The following GPC5 variants were observed in gnomAD, a reference collection of about 807,000 sequenced individuals.
GPC5 encodes glypican-5.
A neutral mutation model predicts 53.9 loss-of-function variants in GPC5; 47 were observed. The observed-to-expected ratio is 0.87, with a 90% CI of 0.69 to 1.11. GPC5 has a LOEUF of 1.11. Among genes scored for constraint, GPC5 ranks in the 50% most tolerant of loss-of-function variants. The pLI is 0.00. For synonymous variants in GPC5, 286 were observed against 263.3 expected (o/e 1.09, Z -0.84); for missense variants, 748 against 713.1 (o/e 1.05, Z -0.56).
chr13:92,416,303 A>T (rs767191168), intron 7 of GPC5, among the ~76,000 whole-genome samples: 2 of 152,150 alleles, frequency 1.3e-5, no homozygotes, highest in Non-Finnish European at 2.9e-5. Flanking sequence ...GAAAGAAGGG[A>T]TAGTTTAAGG....
chr13:92,453,937 TATA>T (rs1405402113), intron 7 of GPC5, among the ~76,000 whole-genome samples: 1 of 152,208 alleles, frequency 6.6e-6, no homozygotes, highest in Admixed American at 6.5e-5. Context: ...TCCATTGTCG[TATA>T]AATAGCACGC....
At chr13:91,865,886 A>T (rs1158149942) in intron 5 of GPC5, among the ~76,000 whole-genome samples, 1 of 151,382 alleles carries the variant, frequency 6.6e-6, no homozygotes, top group Non-Finnish European at 1.5e-5. Flanking sequence ...TTTTTTTTTG[A>T]GATTGAGTTT....
At position 92,793,161 on chromosome 13, in the gene GPC5, AG is replaced by A. The variant is rs543562578; in HGVS notation, c.1562-73120del. ...TAAAGCTCTCCTCAGCAAATGTAAA[AG>A]AACAGAAATCACAACAAACTGTCTC... On this transcript the variant is annotated intron_variant, in intron 7 of 7. Transcript: ENST00000377067. 6.6e-3 allele frequency among the ~76,000 whole-genome samples: 1,011 copies of A among 152,278 alleles called. 16 individuals are homozygous for A. The highest frequency in any genetic ancestry group is 0.023 in the African/African-American group (960 of 41,554).
intron 5 of GPC5, among the ~76,000 whole-genome samples, chr13:91,831,161 T>G (rs1412254260): frequency 6.7e-6 from 1 of 148,958 alleles, no homozygotes; most frequent in Non-Finnish European, 1.5e-5. Context: ...AATCATAAAG[T>G]CCCACAATAC....
chr13:92,402,692 A>C (rs554229094), intron 7 of GPC5, among the ~76,000 whole-genome samples: 1 of 152,284 alleles, frequency 6.6e-6, no homozygotes, highest in East Asian at 1.9e-4. Flanking sequence ...CTATTTGGTT[A>C]GGCTTGTGGC....
intron 6 of GPC5, among the ~76,000 whole-genome samples, chr13:91,919,637 A>C (rs772749302): frequency 3.3e-5 from 5 of 152,198 alleles, no homozygotes; most frequent in Admixed American, 6.5e-5. Context: ...ACATGGAAAT[A>C]TGCGAAAGAC....
At chr13:92,105,300 C>G (rs1009693002) in intron 6 of GPC5, among the ~76,000 whole-genome samples, 1 of 152,012 alleles carries the variant, frequency 6.6e-6, no homozygotes, top group South Asian at 2.1e-4. Context: ...TTTAAATGCT[C>G]TTGGTAAAGA....
rs539470859 is a variant in GPC5, at chr13:92,488,854, T to A, written c.1561+343865T>A. Among the ~76,000 whole-genome samples, 82 of 152,336 alleles carry A rather than the reference T, an allele frequency of 5.4e-4. 1 individual carries two copies. The South Asian group carries it at 0.017, about 31-fold the overall frequency. ...GGAAAACTGTTCATGTCTATGTGTATCAATGTGCTAACATAGCAATAGCAT... is the reference window on the plus strand; with the variant it reads ...GGAAAACTGTTCATGTCTATGTGTAACAATGTGCTAACATAGCAATAGCAT... On this transcript the variant is annotated intron_variant, in intron 7 of 7. Coordinates refer to ENST00000377067, the MANE Select transcript of GPC5 (RefSeq NM_004466.6).
intron 7 of GPC5, among the ~76,000 whole-genome samples, chr13:92,632,324 T>TAAC (rs113531928): frequency 0.026 from 3,926 of 152,114 alleles, 180 homozygotes; most frequent in African/African-American, 0.088. Context: ...GATTTTCTAA[T>TAAC]AGCATCTTCA....
chr13:91,527,611 C>A (rs1368281594), intron 2 of GPC5, among the ~76,000 whole-genome samples: 2 of 152,228 alleles, frequency 1.3e-5, no homozygotes, highest in Non-Finnish European at 2.9e-5. Flanking sequence ...CTCCACTAAG[C>A]AGTACCCCAT....
chr13:92,110,433 A>G (rs2138926318), intron 6 of GPC5, among the ~76,000 whole-genome samples: 1 of 152,100 alleles, frequency 6.6e-6, no homozygotes, highest in Non-Finnish European at 1.5e-5. Context: ...TCCATGAATT[A>G]TTCTATCATG....
At chr13:91,631,059 A>G (rs1190939948) in intron 2 of GPC5, among the ~76,000 whole-genome samples, 2 of 152,146 alleles carry the variant, frequency 1.3e-5, no homozygotes, top group Non-Finnish European at 2.9e-5. Flanking sequence ...GGACCTGTTT[A>G]TTGGAATCAC....
At chr13:91,487,481 GT>G (rs923676151) in intron 2 of GPC5, among the ~76,000 whole-genome samples, 37 of 152,112 alleles carry the variant, frequency 2.4e-4, no homozygotes, top group African/African-American at 8.9e-4. Flanking sequence ...GGGATAGAAG[GT>G]TTTCTCTTTG....
chr13:92,071,549 T>C (rs1480166908), intron 6 of GPC5, among the ~76,000 whole-genome samples: 1 of 152,062 alleles, frequency 6.6e-6, no homozygotes, highest in Non-Finnish European at 1.5e-5. Flanking sequence ...AGTAAACTTT[T>C]CTTATCCCTC....
intron 6 of GPC5, among the ~76,000 whole-genome samples, chr13:92,082,582 C>T (rs1468551174): frequency 1.4e-4 from 21 of 152,134 alleles, no homozygotes; most frequent in Admixed American, 1.4e-3. Context: ...AAATAGTTTT[C>T]TCAAAATAAA....
chr13:92,110,123 C>A (rs1158170537), intron 6 of GPC5, among the ~76,000 whole-genome samples: 7 of 152,136 alleles, frequency 4.6e-5, no homozygotes. Context: ...TGCAGACTGA[C>A]ATCTTTCGAT....
intron 7 of GPC5, among the ~76,000 whole-genome samples, chr13:92,565,291 G>A (rs1179665432): frequency 6.6e-6 from 1 of 152,022 alleles, no homozygotes; most frequent in Non-Finnish European, 1.5e-5. Context: ...TTTATTGAGT[G>A]ATTATACTGC....
intron 7 of GPC5, among the ~76,000 whole-genome samples, chr13:92,760,929 T>C (rs1346283961): frequency 2.0e-5 from 3 of 152,178 alleles, no homozygotes; most frequent in African/African-American, 7.2e-5. Flanking sequence ...CAGAAGCATA[T>C]TGTTTAATTT....
chr13:91,568,790 T>C (rs1312440157), intron 2 of GPC5, among the ~76,000 whole-genome samples: 1 of 151,310 alleles, frequency 6.6e-6, no homozygotes, highest in Non-Finnish European at 1.5e-5. Context: ...AGTCTCTCTC[T>C]GTCGCTGGAG....
Sources: gnomAD v4.1 joint callset for allele counts (sites outside exome capture counted in the v4.1 genomes callset) on GRCh38, gnomAD v4.1.1 for gene constraint, MANE v1.5 for transcripts, NCBI Gene and HGNC (gene_info 2026-07-23, HGNC 2026-07-21) for gene names.